Variants in RBBP6 observed in about 807,000 individuals in gnomAD.
RBBP6 encodes E3 ubiquitin-protein ligase RBBP6.
A neutral mutation model predicts 167.7 loss-of-function variants in RBBP6; 25 were observed. The ratio of observed to expected loss-of-function variants is 0.15; its 90% CI spans 0.11 to 0.21. The LOEUF (loss-of-function observed/expected upper bound fraction) is 0.21. Ranked by LOEUF, RBBP6 falls within the 10% of genes least tolerant of loss-of-function variation. The pLI is 1.00. For missense variants in RBBP6, 1,868 were observed against 2,134.2 expected (o/e 0.88, Z 2.46); for synonymous variants, 789 against 735.8 (o/e 1.07, Z -1.17).
Position 24,570,416 on chromosome 16 carries a change from TAAACAA to T in RBBP6, c.3727_3732del (p.Lys1243_Gln1244del). ...AATTGGAGTCAACATCTAGCAAAGT[TAAACAA>T]GAAAAAGTCAAAGGAAAGGTCAGAC... On this transcript the variant is annotated inframe_deletion, in exon 17 of 18. Transcript: ENST00000319715. 1 of 1,610,490 alleles carries T rather than the reference TAAACAA, an allele frequency of 6.2e-7. No individual in the cohort carries two copies. The highest frequency in any genetic ancestry group is 8.5e-7 in the Non-Finnish European group (1 of 1,179,266).
intron 3 of RBBP6, among the ~76,000 whole-genome samples, chr16:24,549,988 G>A (rs746316028): frequency 6.6e-6 from 1 of 151,934 alleles, no homozygotes; most frequent in Non-Finnish European, 1.5e-5. Flanking sequence ...GTGGGGTGAA[G>A]CATCTGTTTC....
chr16:24,554,220 C>T lies in RBBP6; in HGVS notation c.348+663C>T, dbSNP rs778853168. On this transcript the variant is annotated intron_variant, in intron 4 of 17. Coordinates refer to ENST00000319715, the MANE Select transcript of RBBP6 (RefSeq NM_006910.5). Reference sequence around the variant, plus strand: ...GATAAGATTGCTTGCATTTTCTGCTCAACAATGTGTATCTTCTGTTTGGGA... The same window carrying T: ...GATAAGATTGCTTGCATTTTCTGCTTAACAATGTGTATCTTCTGTTTGGGA... 5.9e-5 allele frequency: 9 copies of T among 151,846 alleles called. No individual in the cohort carries two copies. The South Asian group carries it at 8.3e-4, about 14-fold the overall frequency. The allele number at this position is 151,846 out of a possible 1,614,324, so 9.4% of individuals were successfully genotyped here.
At chr16:24,555,977 A>G in intron 6 of RBBP6, 60 bp downstream of exon 6, 1 of 1,416,302 alleles carries the variant, frequency 7.1e-7, no homozygotes, top group South Asian at 1.2e-5. Context: ...ATTGTTCCTT[A>G]GCTATCTTAT....
intron 7 of RBBP6, 56 bp downstream of exon 7, chr16:24,556,503 G>C: frequency 6.6e-7 from 1 of 1,513,810 alleles, no homozygotes; most frequent in East Asian, 2.3e-5. Flanking sequence ...CCAGGGTATA[G>C]TGTTTTAATC....
At chr16:24,556,038 T>A in intron 6 of RBBP6, 121 bp downstream of exon 6, 1 of 987,366 alleles carries the variant, frequency 1.0e-6, no homozygotes, top group Admixed American at 2.6e-5. Context: ...GAGCATGGTC[T>A]CTGGAGCCAA....
chr16:24,553,554 A>G lies in RBBP6; in HGVS notation c.345A>G (p.Thr115=). Residue 115 remains threonine (T), a synonymous_variant, in exon 4 of 18, where the codon ACA becomes ACG. Coordinates refer to ENST00000319715, the MANE Select transcript of RBBP6 (RefSeq NM_006910.5). The part of the protein sequence containing the change: ...SSASISLAQL[T]KTANLAEANA... ...CGTCTATTTCTCTGGCCCAGCTTAC[A>G]AAGGTATATATATATATATATTCTT... The G allele has an allele frequency of 1.9e-6, 3 of 1,545,214 alleles. No homozygotes were observed. The highest frequency in any genetic ancestry group is 2.6e-6 in the Non-Finnish European group (3 of 1,153,790).
rs961055014 is a variant in RBBP6, at chr16:24,556,175, C to A, written c.535-133C>A. On this transcript the variant is annotated intron_variant, in intron 6 of 17. Transcript: ENST00000319715. ...TAGTACGTACTTCACATAGCAGTTA[C>A]AAGGATTAAATGAGATCACATATGT... 3 of 774,698 alleles carry A rather than the reference C, an allele frequency of 3.9e-6. 1 individual carries two copies. The highest frequency in any genetic ancestry group is 4.1e-6 in the Non-Finnish European group (2 of 489,112). The allele number at this position is 774,698 out of a possible 1,614,324, so 48.0% of individuals were successfully genotyped here.
intron 8 of RBBP6, among the ~76,000 whole-genome samples, chr16:24,560,464 T>G (rs1469947100): frequency 6.6e-6 from 1 of 152,240 alleles, no homozygotes; most frequent in African/African-American, 2.4e-5. Context: ...TTAAATCACT[T>G]ATATTAGCAC....
At chr16:24,545,114 T>A (rs746591184) in intron 1 of RBBP6, among the ~76,000 whole-genome samples, 1 of 149,976 alleles carries the variant, frequency 6.7e-6, no homozygotes, top group Non-Finnish European at 1.5e-5. Context: ...AGTCTTGCTC[T>A]GTCACCAGGC....
rs753623213 is a variant in RBBP6, at chr16:24,562,107, T to G, written c.1235T>G (p.Ile412Arg). The change falls in exon 10 of 18, where the codon ATA (isoleucine) becomes AGA (arginine). Residue 412 changes from isoleucine to arginine, a missense_variant. Ile to Arg is a moderately conservative substitution (Grantham distance 97, BLOSUM62 -3). Coordinates refer to ENST00000319715, the MANE Select transcript of RBBP6 (RefSeq NM_006910.5). ...TCTGCTCCAGCTCCTGTACCTGATA[T>G]AACTGCAACAGTATCCATATCAGTT... is the stretch of plus-strand genomic sequence containing the variant. ...PSSAPAPVPD[I>R]TATVSISVHS... The G allele has an allele frequency of 6.2e-7, 1 of 1,613,516 alleles. No homozygotes were observed. Among genetic ancestry groups the G allele is most frequent in the South Asian group, 1.1e-5 (1 of 91,080 alleles).
chr16:24,546,298 CTT>C, intron 2 of RBBP6, 36 bp downstream of exon 2: 1 of 1,492,628 alleles, frequency 6.7e-7, no homozygotes. Context: ...TCAAAATAGA[CTT>C]TTTTTAGTTT....
intron 3 of RBBP6, among the ~76,000 whole-genome samples, chr16:24,549,735 T>C (rs1218311530): frequency 6.6e-6 from 1 of 152,026 alleles, no homozygotes; most frequent in Non-Finnish European, 1.5e-5. Flanking sequence ...CAAAGTTTAA[T>C]GAGATCTTCC....
At chr16:24,557,725 C>T (rs1294009790) in intron 7 of RBBP6, among the ~76,000 whole-genome samples, 2 of 152,088 alleles carry the variant, frequency 1.3e-5, no homozygotes, top group Non-Finnish European at 2.9e-5. Flanking sequence ...TGTTCATGTT[C>T]TCAGTGAAAA....
intron 15 of RBBP6, 82 bp downstream of exon 15, chr16:24,567,587 CAGTGT>C: frequency 7.0e-7 from 1 of 1,437,936 alleles, no homozygotes; most frequent in Non-Finnish European, 9.3e-7. Flanking sequence ...AAACGTTTTC[CAGTGT>C]TTCCAGTTAG....
At chr16:24,552,059 A>G (rs1348683891) in intron 3 of RBBP6, among the ~76,000 whole-genome samples, 2 of 151,844 alleles carry the variant, frequency 1.3e-5, no homozygotes, top group Non-Finnish European at 3.0e-5. Context: ...AATTATGTAG[A>G]TATGCATTAA....
rs765911069 is a variant in RBBP6 at position 24,546,279 on chromosome 16, A to G, written c.266+17A>G. On this transcript the variant is annotated intron_variant, in intron 2 of 17. Coordinates refer to ENST00000319715, the MANE Select transcript of RBBP6 (RefSeq NM_006910.5). ...ATATGTTATGTAAGTATCAAATCTCATGTATTTCTCAAAATAGACTTTTTT... is the reference window on the plus strand; with the variant it reads ...ATATGTTATGTAAGTATCAAATCTCGTGTATTTCTCAAAATAGACTTTTTT... 2 of 1,529,086 alleles carry G rather than the reference A, an allele frequency of 1.3e-6. No individual in the cohort carries two copies. The highest frequency in any genetic ancestry group is 1.4e-5 in the African/African-American group (1 of 70,086). The allele number at this position is 1,529,086 out of a possible 1,614,324, so 94.7% of individuals were successfully genotyped here. A position where few individuals can be genotyped will look rare whatever the true frequency, so the allele number is the denominator to read the frequency against.
chr16:24,556,669 T>G (rs774544352), intron 7 of RBBP6, among the ~76,000 whole-genome samples: 3 of 152,206 alleles, frequency 2.0e-5, no homozygotes, highest in Non-Finnish European at 4.4e-5. Flanking sequence ...GAGTGCCACT[T>G]CCCTTGTAGT....
rs1284683554 is a variant in RBBP6 at position 24,561,857 on chromosome 16, A to G, written c.985A>G (p.Thr329Ala). The G allele has an allele frequency of 1.2e-6, 2 of 1,612,900 alleles. No homozygotes were observed. The highest frequency in any genetic ancestry group is 1.7e-5 in the Admixed American group (1 of 59,814). Residue 329 changes from threonine (T) to alanine (A), a missense_variant, in exon 10 of 18, where the codon ACA (threonine) becomes GCA (alanine). Thr to Ala is a moderately conservative substitution (Grantham distance 58). Around this residue, in one of 7 missense-constraint regions of RBBP6, gnomAD observed 245 missense variants for 240.1 expected, o/e 1.02. Transcript: ENST00000319715. ...VNNFKNETGY[T>A]KRLRKQLPPP... The stretch of plus-strand genomic sequence containing the variant: ...TAACTTCAAAAATGAAACTGGCTAT[A>G]CAAAAAGACTACGAAAACAGTTACC...
In RBBP6 at chr16:24,564,800, C is replaced by G; in HGVS notation, c.1524C>G (p.Ser508=). The G allele has an allele frequency of 6.2e-7, 1 of 1,612,208 alleles. No homozygotes were observed. Among genetic ancestry groups the G allele is most frequent in the Non-Finnish European group, 8.5e-7 (1 of 1,178,828 alleles). ...PGGGRPGWEH[S]NKLGYLVSPP... ...TATTTTTTTTTCTCCCACACAGTTCCAACAAACTTGGCTATCTGGTTTCTC... is the reference window on the plus strand; with the variant it reads ...TATTTTTTTTTCTCCCACACAGTTCGAACAAACTTGGCTATCTGGTTTCTC... Residue 508 remains serine, a synonymous_variant, in exon 14 of 18, where the codon TCC becomes TCG. Transcript: ENST00000319715.
Sources: allele counts gnomAD v4.1 joint callset (sites outside exome capture counted in the v4.1 genomes callset), GRCh38; gene constraint gnomAD v4.1.1; regional missense constraint gnomAD v4.1.1; transcripts MANE v1.5; gene names NCBI Gene and HGNC (gene_info 2026-07-23, HGNC 2026-07-21).